The following ARL8B variants were observed in gnomAD, a reference collection of about 807,000 sequenced individuals.
ARL8B encodes the protein ARF like GTPase 8B, also known as ADP-ribosylation factor-like protein 8B.
ARL8B carries 9 observed loss-of-function variants against 30.6 expected under a neutral mutation model. That is an observed-to-expected ratio of 0.29 (90% CI 0.18 to 0.51). ARL8B has a LOEUF of 0.51. Among genes scored for constraint, ARL8B ranks in the 20% least tolerant of loss-of-function variants. ARL8B has a pLI of 0.97. For missense variants in ARL8B, 130 were observed against 227.2 expected (o/e 0.57, Z 2.75); for synonymous variants, 74 against 76.0 (o/e 0.97, Z 0.14).
In ARL8B at chr3:5,174,103, A is replaced by G. The variant is rs755155546; in HGVS notation, c.440+19A>G. ...AAAAAATGTATGTCTTGAATATGCT[A>G]TTTTAATAATTTGCTTCTAAATTAC... On this transcript the variant is annotated intron_variant, in intron 5 of 6. Coordinates refer to ENST00000256496, the MANE Select transcript of ARL8B (RefSeq NM_018184.3). 1.3e-6 allele frequency: 2 copies of G among 1,575,232 alleles called. No homozygotes were observed. The highest frequency in any genetic ancestry group is 2.2e-5 in the East Asian group (1 of 44,670).
chr3:5,148,797 C>G (rs2054452382), intron 1 of ARL8B, among the ~76,000 whole-genome samples: 1 of 152,156 alleles, frequency 6.6e-6, no homozygotes, highest in South Asian at 2.1e-4. Context: ...GATGCCTTAT[C>G]TTTTGCTTTT....
chr3:5,145,919 A>G (rs999826696), intron 1 of ARL8B, among the ~76,000 whole-genome samples: 4 of 152,072 alleles, frequency 2.6e-5, no homozygotes, highest in Non-Finnish European at 4.4e-5. Flanking sequence ...TACAGACTGC[A>G]GTTTGTTTTT....
At chr3:5,122,875 C>T (rs1208447274) in intron 1 of ARL8B, among the ~76,000 whole-genome samples, 5 of 152,198 alleles carry the variant, frequency 3.3e-5, no homozygotes. Flanking sequence ...AAATTGAACT[C>T]GTCACATTTT....
rs58230539 is a variant in ARL8B, at chr3:5,162,987, C to CTTTTTTTT, written c.124-7505_124-7498dup. 7.4e-4 allele frequency among the ~76,000 whole-genome samples: 93 copies of CTTTTTTTT among 125,810 alleles called. 1 individual carries two copies. The highest frequency in any genetic ancestry group is 7.9e-3 in the Middle Eastern group (2 of 254). The allele number at this position is 125,810 out of a possible 152,430, so 82.5% of individuals were successfully genotyped here. A position where few individuals can be genotyped will look rare whatever the true frequency, so the allele number is the denominator to read the frequency against. On this transcript the variant is annotated intron_variant, in intron 1 of 6. Coordinates refer to ENST00000256496, the MANE Select transcript of ARL8B (RefSeq NM_018184.3). ...GTGTGTACTCAGTGTTTAGCTCCCACTTTTTTTTTTTTTTTTTTGAGACGG... is the reference window on the plus strand; with the variant it reads ...GTGTGTACTCAGTGTTTAGCTCCCACTTTTTTTTTTTTTTTTTTTTTTTTTTGAGACGG...
intron 1 of ARL8B, among the ~76,000 whole-genome samples, chr3:5,122,897 GGGATT>G (rs1382964110): frequency 1.3e-5 from 2 of 152,200 alleles, no homozygotes; most frequent in African/African-American, 4.8e-5. Flanking sequence ...AAAGCGCTTG[GGGATT>G]GGGGTTTCCC....
intron 1 of ARL8B, among the ~76,000 whole-genome samples, chr3:5,142,189 C>T (rs182362223): frequency 2.0e-5 from 3 of 152,124 alleles, no homozygotes; most frequent in Non-Finnish European, 4.4e-5. Flanking sequence ...TACCACCAGA[C>T]GTTAGCCTGG....
chr3:5,171,929 G>C (rs972795483), intron 2 of ARL8B, among the ~76,000 whole-genome samples: 7 of 152,198 alleles, frequency 4.6e-5, no homozygotes, highest in Non-Finnish European at 5.9e-5. Context: ...CAAAATTTTA[G>C]ATGTATTGTA....
intron 1 of ARL8B, among the ~76,000 whole-genome samples, chr3:5,130,169 C>CAGAAAAA (rs2054269517): frequency 1.3e-5 from 2 of 150,288 alleles, no homozygotes; most frequent in Admixed American, 1.3e-4. Context: ...TGACCAAGGT[C>CAGAAAAA]ATATTCTCTT....
intron 1 of ARL8B, among the ~76,000 whole-genome samples, chr3:5,126,122 T>C (rs903078660): frequency 6.6e-6 from 1 of 152,092 alleles, no homozygotes. Flanking sequence ...TCATACTTTT[T>C]TTTTTTTTTA....
At chr3:5,169,801 G>A (rs1254097913) in intron 1 of ARL8B, among the ~76,000 whole-genome samples, 1 of 152,096 alleles carries the variant, frequency 6.6e-6, no homozygotes. Flanking sequence ...ATAAGTGAAA[G>A]TAGTGACTAT....
At chr3:5,171,157 A>G (rs2054670585) in intron 2 of ARL8B, among the ~76,000 whole-genome samples, 1 of 152,136 alleles carries the variant, frequency 6.6e-6, no homozygotes, top group Admixed American at 6.5e-5. Context: ...TCATCTAATG[A>G]AGTTCCAGAT....
intron 1 of ARL8B, among the ~76,000 whole-genome samples, chr3:5,123,912 C>A (rs1281114407): frequency 3.9e-5 from 6 of 152,092 alleles, no homozygotes; most frequent in Non-Finnish European, 7.4e-5. Flanking sequence ...CTCGCTTTGT[C>A]CCCCAGGCTG....
intron 1 of ARL8B, among the ~76,000 whole-genome samples, chr3:5,147,572 C>G (rs961420149): frequency 6.6e-6 from 1 of 152,186 alleles, no homozygotes. Flanking sequence ...TCATTCCCTT[C>G]TCTCCTTTGA....
chr3:5,157,187 CAG>C (rs1030284979), intron 1 of ARL8B, among the ~76,000 whole-genome samples: 45 of 152,048 alleles, frequency 3.0e-4, no homozygotes, highest in South Asian at 1.7e-3. Flanking sequence ...ATGTGCCACA[CAG>C]GGGTCAACCA....
At chr3:5,160,141 T>C (rs2054568696) in intron 1 of ARL8B, among the ~76,000 whole-genome samples, 1 of 152,242 alleles carries the variant, frequency 6.6e-6, no homozygotes, top group African/African-American at 2.4e-5. Flanking sequence ...ATGGGAAATA[T>C]ATCCAGATAA....
chr3:5,148,361 A>G (rs1575565526), intron 1 of ARL8B, among the ~76,000 whole-genome samples: 1 of 152,274 alleles, frequency 6.6e-6, no homozygotes, highest in South Asian at 2.1e-4. Context: ...GGGATAGGGA[A>G]GTTCTCAGTA....
chr3:5,132,975 T>C (rs1575559530), intron 1 of ARL8B, among the ~76,000 whole-genome samples: 2 of 152,050 alleles, frequency 1.3e-5, no homozygotes, highest in Admixed American at 1.3e-4. Flanking sequence ...TTGAGCTGGG[T>C]TATAAGAGTA....
chr3:5,128,553 T>C (rs1486068296), intron 1 of ARL8B: 3 of 391,920 alleles, frequency 7.7e-6, no homozygotes, highest in East Asian at 1.8e-4. Context: ...ATTTCACAAG[T>C]TAATGGATTT....
At chr3:5,148,607 G>A (rs2054450626) in intron 1 of ARL8B, among the ~76,000 whole-genome samples, 1 of 152,034 alleles carries the variant, frequency 6.6e-6, no homozygotes, top group African/African-American at 2.4e-5. Flanking sequence ...TCTTTGAGGG[G>A]GAACATGGGA....
Sources: allele counts gnomAD v4.1 joint callset (sites outside exome capture counted in the v4.1 genomes callset), GRCh38; gene constraint gnomAD v4.1.1; transcripts MANE v1.5; gene names NCBI Gene and HGNC (gene_info 2026-07-23, HGNC 2026-07-21).